Variants in ENTREP2 observed in about 807,000 individuals in gnomAD.
ENTREP2 encodes the protein endosomal transmembrane epsin interactor 2.
chr15:29,436,758 C>T, the ENTREP2 span, among the ~76,000 whole-genome samples: 1 of 152,176 alleles, frequency 6.6e-6, no homozygotes, highest in Non-Finnish European at 1.5e-5. Context: ...AATGCTGAAT[C>T]ATGAAGAGAA....
chr15:29,288,449 A>C, the ENTREP2 span, among the ~76,000 whole-genome samples: 2 of 152,288 alleles, frequency 1.3e-5, no homozygotes, highest in African/African-American at 4.8e-5. Context: ...CTCTGCCTGG[A>C]AAGTTCTTCC....
chr15:29,156,440 G>A, the ENTREP2 span, among the ~76,000 whole-genome samples: 1 of 152,048 alleles, frequency 6.6e-6, no homozygotes, highest in Admixed American at 6.6e-5. Context: ...CACCCTCCTC[G>A]GCCTCCCAAA....
At chr15:29,493,226 C>T in the ENTREP2 span, among the ~76,000 whole-genome samples, 3 of 139,604 alleles carry the variant, frequency 2.1e-5, no homozygotes, top group East Asian at 2.2e-4. Flanking sequence ...CTCCGCCTCC[C>T]GGGTTCACGC....
At chr15:29,255,443 T>C in the ENTREP2 span, among the ~76,000 whole-genome samples, 3 of 152,188 alleles carry the variant, frequency 2.0e-5, no homozygotes, top group East Asian at 5.8e-4. Flanking sequence ...GTTCAGCCAC[T>C]GTGGAAAGCA....
At chr15:29,431,958 A>G in the ENTREP2 span, among the ~76,000 whole-genome samples, 4 of 152,188 alleles carry the variant, frequency 2.6e-5, no homozygotes, top group African/African-American at 4.8e-5. Context: ...TTCCCTTTCA[A>G]TGTGAACAGG....
At chr15:29,486,849 T>C in the ENTREP2 span, among the ~76,000 whole-genome samples, 1 of 151,838 alleles carries the variant, frequency 6.6e-6, no homozygotes, top group Non-Finnish European at 1.5e-5. Context: ...AGCTCATGGA[T>C]ATAGAAAATT....
the ENTREP2 span, among the ~76,000 whole-genome samples, chr15:29,668,718 C>T: frequency 6.6e-6 from 1 of 152,218 alleles, no homozygotes; most frequent in Non-Finnish European, 1.5e-5. Context: ...TCTCCTCCCT[C>T]CTGCCCCAAA....
chr15:29,408,759 T>C, the ENTREP2 span, among the ~76,000 whole-genome samples: 1 of 152,224 alleles, frequency 6.6e-6, no homozygotes, highest in Non-Finnish European at 1.5e-5. Flanking sequence ...TTAAACTTTA[T>C]ATTCTGAAAT....
the ENTREP2 span, among the ~76,000 whole-genome samples, chr15:29,187,806 A>G: frequency 6.6e-6 from 1 of 152,226 alleles, no homozygotes; most frequent in Non-Finnish European, 1.5e-5. Flanking sequence ...CCGGGCAGTG[A>G]GGAGGCCAGG....
chr15:29,173,029 G>A, the ENTREP2 span, among the ~76,000 whole-genome samples: 345 of 152,252 alleles, frequency 2.3e-3, 3 homozygotes, highest in African/African-American at 7.9e-3. Flanking sequence ...TCATTTCCAC[G>A]GAGGCTGTCT....
chr15:29,349,812 T>TG, the ENTREP2 span, among the ~76,000 whole-genome samples: 1 of 152,002 alleles, frequency 6.6e-6, no homozygotes, highest in East Asian at 1.9e-4. Context: ...GCAGGAGAAT[T>TG]GCTTGAACCC....
the ENTREP2 span, among the ~76,000 whole-genome samples, chr15:29,502,968 G>A: frequency 6.6e-6 from 1 of 151,954 alleles, no homozygotes; most frequent in East Asian, 1.9e-4. Flanking sequence ...AATAAGTGTT[G>A]GCAAGAATAT....
At chr15:29,133,913 G>T in the ENTREP2 span, among the ~76,000 whole-genome samples, 1 of 151,992 alleles carries the variant, frequency 6.6e-6, no homozygotes, top group Non-Finnish European at 1.5e-5. Context: ...TCTGTTTGGG[G>T]GATACGCTGT....
the ENTREP2 span, among the ~76,000 whole-genome samples, chr15:29,406,914 G>A: frequency 3.9e-5 from 6 of 152,122 alleles, no homozygotes; most frequent in African/African-American, 7.2e-5. Context: ...TTATGACTAC[G>A]TAAAATGTCA....
chr15:29,497,098 G>A, the ENTREP2 span, among the ~76,000 whole-genome samples: 3 of 152,118 alleles, frequency 2.0e-5, no homozygotes, highest in Admixed American at 1.3e-4. Context: ...TTGAAGCTGT[G>A]AGTTCCATCT....
chr15:29,561,565 A>G, the ENTREP2 span, among the ~76,000 whole-genome samples: 5 of 152,070 alleles, frequency 3.3e-5, no homozygotes, highest in South Asian at 1.0e-3. Flanking sequence ...GCGGGTGCCT[A>G]TAGTCCCAGC....
At chr15:29,131,376 C>G in the ENTREP2 span, among the ~76,000 whole-genome samples, 1 of 151,842 alleles carries the variant, frequency 6.6e-6, no homozygotes, top group South Asian at 2.1e-4. Context: ...TCCCTTCCAC[C>G]TGGCATGCTG....
At chr15:29,360,163 G>A in the ENTREP2 span, among the ~76,000 whole-genome samples, 1 of 152,158 alleles carries the variant, frequency 6.6e-6, no homozygotes, top group African/African-American at 2.4e-5. Flanking sequence ...CTGTGCCACA[G>A]ACAGACATAT....
At chr15:29,645,454 G>A in the ENTREP2 span, among the ~76,000 whole-genome samples, 11 of 152,288 alleles carry the variant, frequency 7.2e-5, no homozygotes, top group East Asian at 1.9e-4. Flanking sequence ...GTTGAAAACC[G>A]CAGCAATGAT....
Sources: allele counts gnomAD v4.1 joint callset (sites outside exome capture counted in the v4.1 genomes callset), GRCh38; gene constraint gnomAD v4.1.1; transcripts MANE v1.5; gene names NCBI Gene and HGNC (gene_info 2026-07-23, HGNC 2026-07-21).